ACBD6: variants seen among roughly 807,000 people sequenced by gnomAD.
The protein encoded by ACBD6 is acyl-CoA binding domain containing 6.
ACBD6 carries 28 observed loss-of-function variants against 37.2 expected under a neutral mutation model. That is an observed-to-expected ratio of 0.75 (90% CI 0.56 to 1.03). The LOEUF is 1.03. ACBD6 is among the 50% of genes least tolerant of loss of function. The pLI, the probability that ACBD6 is intolerant of heterozygous loss-of-function variation, is 0.00. For synonymous variants in ACBD6, 113 were observed against 126.8 expected (o/e 0.89, Z 0.73); for missense variants, 340 against 337.4 (o/e 1.01, Z -0.06).
chr1:180,354,566 A>C (rs1652549111), intron 6 of ACBD6, among the ~76,000 whole-genome samples: 1 of 152,190 alleles, frequency 6.6e-6, no homozygotes, highest in Non-Finnish European at 1.5e-5. Context: ...AAAAAAAGTT[A>C]AATAAGCTGT....
intron 4 of ACBD6, among the ~76,000 whole-genome samples, chr1:180,414,741 A>G (rs114232934): frequency 0.012 from 1,796 of 152,346 alleles, 35 homozygotes; most frequent in African/African-American, 0.041. Flanking sequence ...CTTCAAAGCT[A>G]GAGAAAATGA....
At chr1:180,293,216 C>T (rs1649783555) in intron 7 of ACBD6, among the ~76,000 whole-genome samples, 1 of 151,884 alleles carries the variant, frequency 6.6e-6, no homozygotes, top group Non-Finnish European at 1.5e-5. Flanking sequence ...ATTTGGTTAT[C>T]AGGGTAATTC....
At chr1:180,375,438 G>C (rs1653397602) in intron 6 of ACBD6, among the ~76,000 whole-genome samples, 1 of 152,066 alleles carries the variant, frequency 6.6e-6, no homozygotes, top group African/African-American at 2.4e-5. Context: ...TGATCCTCCT[G>C]CTTCAGCCTC....
At chr1:180,339,614 T>C (rs149312670) in intron 6 of ACBD6, among the ~76,000 whole-genome samples, 27 of 152,196 alleles carry the variant, frequency 1.8e-4, no homozygotes, top group African/African-American at 6.5e-4. Context: ...CACACCAACA[T>C]GGCACATGTA....
At chr1:180,274,561 G>A in intron 10 of ACBD6, 1 of 1,584,070 alleles carries the variant, frequency 6.3e-7, no homozygotes, top group Admixed American at 1.7e-5. Flanking sequence ...TCGATGAAAT[G>A]GATCATCCTC....
At chr1:180,494,675 C>T (rs1571582753) in intron 2 of ACBD6, among the ~76,000 whole-genome samples, 1 of 152,292 alleles carries the variant, frequency 6.6e-6, no homozygotes, top group South Asian at 2.1e-4. Context: ...CACTTCCTCT[C>T]TCTATAACCA....
At chr1:180,421,412 T>C (rs560099246) in intron 4 of ACBD6, among the ~76,000 whole-genome samples, 2 of 152,222 alleles carry the variant, frequency 1.3e-5, no homozygotes, top group East Asian at 3.8e-4. Flanking sequence ...GATGGGTGTT[T>C]AGGTTGATCC....
chr1:180,425,456 T>G (rs1255129520), intron 4 of ACBD6, among the ~76,000 whole-genome samples: 5 of 152,160 alleles, frequency 3.3e-5, no homozygotes, highest in Non-Finnish European at 7.4e-5. Flanking sequence ...CATGGTGAAA[T>G]AGAGAAGTAT....
intron 6 of ACBD6, among the ~76,000 whole-genome samples, chr1:180,396,873 G>C (rs899718977): frequency 6.6e-6 from 1 of 152,144 alleles, no homozygotes; most frequent in African/African-American, 2.4e-5. Flanking sequence ...AGCTCCTATG[G>C]AAAACAGTTT....
At chr1:180,380,488 T>C (rs1018994331) in intron 6 of ACBD6, among the ~76,000 whole-genome samples, 1 of 151,832 alleles carries the variant, frequency 6.6e-6, no homozygotes. Flanking sequence ...CCTTTGGAAA[T>C]GAAAAAGAAA....
chr1:180,489,953 T>C (rs1227114577), intron 3 of ACBD6, among the ~76,000 whole-genome samples: 1 of 152,200 alleles, frequency 6.6e-6, no homozygotes, highest in African/African-American at 2.4e-5. Context: ...GCCACTGTGC[T>C]TGGCCTGCAA....
intron 6 of ACBD6, among the ~76,000 whole-genome samples, chr1:180,322,739 CTCTT>C (rs1218121207): frequency 6.8e-6 from 1 of 148,132 alleles, no homozygotes; most frequent in Non-Finnish European, 1.5e-5. Flanking sequence ...TTTGGGTCTT[CTCTT>C]TTTTTTTTTT....
At chr1:180,491,411 GA>G (rs1264024984) in intron 3 of ACBD6, among the ~76,000 whole-genome samples, 2 of 152,066 alleles carry the variant, frequency 1.3e-5, no homozygotes, top group Non-Finnish European at 2.9e-5. Context: ...AAGTATATGA[GA>G]AAAACAGGGT....
intron 6 of ACBD6, among the ~76,000 whole-genome samples, chr1:180,377,734 G>C (rs1158894071): frequency 6.6e-6 from 1 of 152,044 alleles, no homozygotes; most frequent in Non-Finnish European, 1.5e-5. Context: ...GATCACCTGA[G>C]GTCGGGAGTT....
chr1:180,380,634 G>A (rs1243092815), intron 6 of ACBD6, among the ~76,000 whole-genome samples: 1 of 151,920 alleles, frequency 6.6e-6, no homozygotes, highest in Non-Finnish European at 1.5e-5. Context: ...ATGGTTAAGG[G>A]AGTCCTACAC....
Position 180,486,940 on chromosome 1 carries a change from A to C in ACBD6, c.384+5329T>G, listed in dbSNP as rs1651289514. Among the ~76,000 whole-genome samples, 5 of 152,292 alleles carry C rather than the reference A, an allele frequency of 3.3e-5. No individual in the cohort carries two copies. The South Asian group carries it at 1.0e-3, about 32-fold the overall frequency. The stretch of plus-strand genomic sequence containing the variant: ...TATAATCTAAATCTAATTATAAGGA[A>C]ACACCAGGCAAACCCAAAATAAGGG... On this transcript the variant is annotated intron_variant, in intron 3 of 7. Coordinates refer to ENST00000367595, the MANE Select transcript of ACBD6 (RefSeq NM_032360.4).
intron 6 of ACBD6, among the ~76,000 whole-genome samples, chr1:180,352,963 T>C (rs550980069): frequency 1.3e-5 from 2 of 152,350 alleles, no homozygotes; most frequent in South Asian, 4.1e-4. Flanking sequence ...TATTACGACT[T>C]ATAGCAACTT....
intron 6 of ACBD6, among the ~76,000 whole-genome samples, chr1:180,340,746 T>C (rs1651948305): frequency 6.6e-6 from 1 of 152,028 alleles, no homozygotes; most frequent in Non-Finnish European, 1.5e-5. Flanking sequence ...GAAGCCCAGA[T>C]AGTTCATCCA....
At chr1:180,347,271 CTGTT>C (rs1652220653) in intron 6 of ACBD6, among the ~76,000 whole-genome samples, 1 of 151,320 alleles carries the variant, frequency 6.6e-6, no homozygotes, top group African/African-American at 2.4e-5. Flanking sequence ...AACAATAAAA[CTGTT>C]TGCTTCTATA....
Sources: gnomAD v4.1 joint callset for allele counts (sites outside exome capture counted in the v4.1 genomes callset) on GRCh38, gnomAD v4.1.1 for gene constraint, MANE v1.5 for transcripts, NCBI Gene and HGNC (gene_info 2026-07-23, HGNC 2026-07-21) for gene names.